TAFA5: variants seen among roughly 807,000 people sequenced by gnomAD.
TAFA5 encodes the protein TAFA chemokine like family member 5, also known as chemokine-like protein TAFA-5.
In TAFA5, 6 loss-of-function variants were observed where a neutral mutation model predicts 15.3. The observed-to-expected ratio is 0.39, with a 90% CI of 0.21 to 0.77. The LOEUF (loss-of-function observed/expected upper bound fraction) is 0.77, where lower values mean the gene tolerates loss of function less well. Ranked by LOEUF, TAFA5 falls within the 30% of genes least tolerant of loss-of-function variation. The pLI, the probability that TAFA5 is intolerant of heterozygous loss-of-function variation, is 0.41. For synonymous variants in TAFA5, 103 were observed against 80.7 expected, an observed-to-expected ratio of 1.28 and a Z score of -1.48; for missense variants, 161 against 193.1, an observed-to-expected ratio of 0.83 and a Z score of 0.98.
chr22:48,651,339 C>T (rs959506523), intron 2 of TAFA5, among the ~76,000 whole-genome samples: 1 of 152,202 alleles, frequency 6.6e-6, no homozygotes, highest in Non-Finnish European at 1.5e-5. Flanking sequence ...CCGCAGTGGC[C>T]ACTGGGAGGT....
At chr22:48,654,008 G>A (rs4925419) in intron 2 of TAFA5, among the ~76,000 whole-genome samples, 94,735 of 151,726 alleles carry the variant, frequency 0.62, 30,482 homozygotes, top group South Asian at 0.75. Flanking sequence ...TAGGCACGGC[G>A]GCTCTGGAGG....
At chr22:48,508,225 C>T (rs905444524) in intron 1 of TAFA5, among the ~76,000 whole-genome samples, 5 of 152,162 alleles carry the variant, frequency 3.3e-5, no homozygotes, top group East Asian at 1.9e-4. Flanking sequence ...CATGGGCAGC[C>T]GGCAGCTTTA....
chr22:48,545,934 C>G (rs1198309361), intron 1 of TAFA5, among the ~76,000 whole-genome samples: 1 of 152,128 alleles, frequency 6.6e-6, no homozygotes, highest in African/African-American at 2.4e-5. Flanking sequence ...TTCTGCCACC[C>G]TGGGGAAGGG....
intron 1 of TAFA5, among the ~76,000 whole-genome samples, chr22:48,555,314 C>T (rs924242671): frequency 6.6e-6 from 1 of 152,214 alleles, no homozygotes; most frequent in African/African-American, 2.4e-5. Flanking sequence ...ATTCTCCTCC[C>T]TCCTCCCTTT....
intron 2 of TAFA5, among the ~76,000 whole-genome samples, chr22:48,688,200 C>T (rs73435852): frequency 0.028 from 4,242 of 151,950 alleles, 154 homozygotes; most frequent in East Asian, 0.079. Flanking sequence ...CATTCTTGAG[C>T]GTGATGGGGA....
chr22:48,732,418 A>G (rs1018250654), intron 3 of TAFA5, among the ~76,000 whole-genome samples: 23 of 151,906 alleles, frequency 1.5e-4, no homozygotes, highest in Non-Finnish European at 2.5e-4. Context: ...CACCACGCCC[A>G]GCTAATTTTT....
At chr22:48,597,169 T>C (rs922731612) in intron 1 of TAFA5, among the ~76,000 whole-genome samples, 2 of 152,224 alleles carry the variant, frequency 1.3e-5, no homozygotes, top group Non-Finnish European at 2.9e-5. Flanking sequence ...TGAACCACCA[T>C]TGATGGTCCC....
rs1292380132 is a variant in TAFA5, at chr22:48,742,561, A to G, written c.391-7278A>G. On this transcript the variant is annotated intron_variant, in intron 3 of 3. Transcript: ENST00000402357. This position sits in a 1 kb window ranked among gnomAD's most constrained non-coding sequence, Gnocchi z 6.2. ...GACCCGGCCGCATGGTGGACCAGGCAACGTGGTAGACTGGGCAGCGTGATG... is the reference window on the plus strand; with the variant it reads ...GACCCGGCCGCATGGTGGACCAGGCGACGTGGTAGACTGGGCAGCGTGATG... Among the ~76,000 whole-genome samples, 5 of 151,278 alleles carry G rather than the reference A, an allele frequency of 3.3e-5. No homozygotes were observed. Among genetic ancestry groups the G allele is most frequent in the East Asian group, 3.9e-4 (2 of 5,138 alleles).
intron 1 of TAFA5, among the ~76,000 whole-genome samples, chr22:48,635,038 C>T (rs1000216899): frequency 2.0e-5 from 3 of 152,340 alleles, no homozygotes; most frequent in Admixed American, 6.5e-5. Flanking sequence ...GGGAGGTGCC[C>T]GGGCAGCAGC....
At chr22:48,582,341 A>G (rs537750116) in intron 1 of TAFA5, among the ~76,000 whole-genome samples, 73 of 150,388 alleles carry the variant, frequency 4.9e-4, no homozygotes, top group African/African-American at 1.6e-3. Flanking sequence ...CACACAAAAT[A>G]CACCACACAC....
intron 3 of TAFA5, among the ~76,000 whole-genome samples, chr22:48,725,140 T>C (rs967206673): frequency 1.3e-5 from 2 of 152,238 alleles, no homozygotes; most frequent in African/African-American, 4.8e-5. Flanking sequence ...CCTGTGAAGA[T>C]GAAGGCCTGC....
chr22:48,515,361 C>T (rs1306943281), intron 1 of TAFA5, among the ~76,000 whole-genome samples: 1 of 152,226 alleles, frequency 6.6e-6, no homozygotes, highest in Non-Finnish European at 1.5e-5. Context: ...TGCAGGCAGG[C>T]GGATCACCTG....
intron 2 of TAFA5, among the ~76,000 whole-genome samples, chr22:48,674,722 G>A (rs933217420): frequency 2.6e-5 from 4 of 152,080 alleles, no homozygotes; most frequent in African/African-American, 9.7e-5. Context: ...CCGTGGGGAG[G>A]GGGGCCACCT....
intron 1 of TAFA5, among the ~76,000 whole-genome samples, chr22:48,532,100 C>T (rs868111946): frequency 2.6e-5 from 4 of 152,218 alleles, no homozygotes; most frequent in African/African-American, 9.6e-5. Context: ...CTCCTCCGGA[C>T]GAGGAACCCC....
chr22:48,532,276 C>A (rs1042014532), intron 1 of TAFA5, among the ~76,000 whole-genome samples: 1 of 152,216 alleles, frequency 6.6e-6, no homozygotes, highest in Admixed American at 6.5e-5. Context: ...TTACGGAGGC[C>A]GCACGTCTAA....
chr22:48,638,228 G>C (rs1320458663), intron 1 of TAFA5, among the ~76,000 whole-genome samples: 4 of 151,600 alleles, frequency 2.6e-5, no homozygotes, highest in Admixed American at 2.6e-4. Context: ...GGGTACACGT[G>C]TCTTAGACCC....
intron 1 of TAFA5, among the ~76,000 whole-genome samples, chr22:48,571,719 T>G (rs1923600843): frequency 6.6e-6 from 1 of 151,770 alleles, no homozygotes; most frequent in Admixed American, 6.6e-5. Context: ...GTGCATTTAT[T>G]TATTTGACTA....
At chr22:48,576,038 G>GAC (rs1266811402) in intron 1 of TAFA5, among the ~76,000 whole-genome samples, 8 of 40,008 alleles carry the variant, frequency 2.0e-4, no homozygotes, top group Non-Finnish European at 3.2e-4. Context: ...GGCCGCGCCG[G>GAC]ACCCCCCCCC....
intron 1 of TAFA5, among the ~76,000 whole-genome samples, chr22:48,587,211 T>C (rs1031101861): frequency 1.3e-5 from 2 of 152,190 alleles, no homozygotes; most frequent in Non-Finnish European, 2.9e-5. Context: ...CCCATGACGG[T>C]TTCCCATGCA....
Sources: gnomAD v4.1 joint callset for allele counts (sites outside exome capture counted in the v4.1 genomes callset) on GRCh38, gnomAD v4.1.1 for gene constraint, Gnocchi (gnomAD v3.1) non-coding constraint, MANE v1.5 for transcripts, NCBI Gene and HGNC (gene_info 2026-07-23, HGNC 2026-07-21) for gene names.